Variants in CNTN3 observed in about 807,000 individuals in gnomAD.
CNTN3 encodes the protein contactin 3.
A neutral mutation model predicts 119.1 loss-of-function variants in CNTN3; 60 were observed. The observed-to-expected ratio is 0.50, with a 90% confidence interval of 0.41 to 0.62. The LOEUF (loss-of-function observed/expected upper bound fraction) is 0.62. Among genes scored for constraint, CNTN3 ranks in the 20% least tolerant of loss-of-function variants. CNTN3 has a pLI of 0.00. For synonymous variants in CNTN3, 450 were observed against 438.7 expected, an observed-to-expected ratio of 1.03 and a Z score of -0.32; for missense variants, 1,101 against 1,242.4, an observed-to-expected ratio of 0.89 and a Z score of 1.71.
At chr3:74,593,946 A>G (rs939782472) in intron 1 of CNTN3, among the ~76,000 whole-genome samples, 1 of 151,946 alleles carries the variant, frequency 6.6e-6, no homozygotes, top group African/African-American at 2.4e-5. Flanking sequence ...AATTCACTCT[A>G]TGGAGGTGGA....
chr3:74,292,683 C>G (rs1268995203), intron 19 of CNTN3, among the ~76,000 whole-genome samples: 1 of 152,198 alleles, frequency 6.6e-6, no homozygotes, highest in Non-Finnish European at 1.5e-5. Context: ...ATTATTGTCC[C>G]CATTCTACAG....
At chr3:74,381,440 T>C (rs1704622358) in intron 5 of CNTN3, among the ~76,000 whole-genome samples, 1 of 152,160 alleles carries the variant, frequency 6.6e-6, no homozygotes, top group Non-Finnish European at 1.5e-5. Flanking sequence ...CAGTCTGCCC[T>C]TCAAACCAGT....
At chr3:74,590,209 G>A (rs577377817) in intron 1 of CNTN3, among the ~76,000 whole-genome samples, 1 of 151,988 alleles carries the variant, frequency 6.6e-6, no homozygotes, top group Non-Finnish European at 1.5e-5. Flanking sequence ...AATAAAGAAA[G>A]TCAATACATT....
Position 74,477,858 on chromosome 3 carries a change from A to T in CNTN3, c.358+8598T>A, listed in dbSNP as rs145686883. ...CAACAATTAAAAATTTAAAAAAATTAAAAAAAAACACAGATCTCAAAGAAG... is the reference window on the plus strand; with the variant it reads ...CAACAATTAAAAATTTAAAAAAATTTAAAAAAAACACAGATCTCAAAGAAG... On this transcript the variant is annotated intron_variant, in intron 4 of 22. Coordinates refer to ENST00000263665, the MANE Select transcript of CNTN3 (RefSeq NM_020872.3). Among the ~76,000 whole-genome samples, 489 of 151,538 alleles carry T rather than the reference A, an allele frequency of 3.2e-3. 3 individuals are homozygous for T. The highest frequency in any genetic ancestry group is 9.4e-3 in the African/African-American group (389 of 41,328).
In CNTN3 at chr3:74,344,075, T is replaced by A. The variant is rs1322054556; in HGVS notation, c.1365-7417A>T. 2.0e-5 allele frequency among the ~76,000 whole-genome samples: 3 copies of A among 152,362 alleles called. No individual in the cohort carries two copies. The South Asian group carries it at 6.2e-4, about 32-fold the overall frequency. On this transcript the variant is annotated intron_variant, in intron 11 of 22. Transcript: ENST00000263665. ...AGTTAGGTTGTTTCTTAGCTAATAA[T>A]TGTTTGTAATATCCTTAATTCTCAG... is the stretch of plus-strand genomic sequence containing the variant.
chr3:74,613,255 G>A (rs1023162019), intron 1 of CNTN3, among the ~76,000 whole-genome samples: 2 of 148,844 alleles, frequency 1.3e-5, no homozygotes, highest in Non-Finnish European at 3.0e-5. Context: ...ACCACAGCAC[G>A]TACAGTCTTC....
intron 1 of CNTN3, among the ~76,000 whole-genome samples, chr3:74,571,282 C>T (rs916651521): frequency 1.3e-5 from 2 of 152,314 alleles, no homozygotes; most frequent in Admixed American, 1.3e-4. Context: ...CAGCAGCTCT[C>T]CACTTGAGTT....
intron 11 of CNTN3, among the ~76,000 whole-genome samples, chr3:74,346,504 A>G (rs1703691700): frequency 6.6e-6 from 1 of 152,208 alleles, no homozygotes; most frequent in African/African-American, 2.4e-5. Context: ...AAATACACAA[A>G]TAAGATCACA....
intron 1 of CNTN3, among the ~76,000 whole-genome samples, chr3:74,561,996 T>C (rs1159756666): frequency 6.6e-6 from 1 of 152,092 alleles, no homozygotes; most frequent in Non-Finnish European, 1.5e-5. Context: ...GTTCACAAGA[T>C]CTTTAGAAAA....
intron 3 of CNTN3, among the ~76,000 whole-genome samples, chr3:74,488,748 G>T (rs938414139): frequency 2.0e-5 from 3 of 152,070 alleles, no homozygotes; most frequent in Non-Finnish European, 2.9e-5. Context: ...TTAATAAGAA[G>T]ACCCAAATGA....
chr3:74,344,197 A>C (rs1208923833), intron 11 of CNTN3, among the ~76,000 whole-genome samples: 1 of 152,166 alleles, frequency 6.6e-6, no homozygotes, highest in Non-Finnish European at 1.5e-5. Context: ...CTCAACAAAT[A>C]TGAAGAGTTC....
rs1299127961 is a variant in CNTN3, at chr3:74,288,154, C to CTT, written c.2518-2665_2518-2664dup. Among the ~76,000 whole-genome samples, 66 of 88,252 alleles carry CTT rather than the reference C, an allele frequency of 7.5e-4. 1 individual carries two copies. The highest frequency in any genetic ancestry group is 5.8e-3 in the East Asian group (8 of 1,374). 57.9% of individuals were successfully genotyped at this position (88,252 alleles called of 152,430 possible). Reference sequence around the variant, plus strand: ...TTTGACATCTTTTTTCTTTTCTTTTCTTTTCTTTTTTTTTTTTTTTTTGAG... The same window carrying CTT: ...TTTGACATCTTTTTTCTTTTCTTTTCTTTTTTCTTTTTTTTTTTTTTTTTGAG... On this transcript the variant is annotated intron_variant, in intron 19 of 22. Coordinates refer to ENST00000263665, the MANE Select transcript of CNTN3 (RefSeq NM_020872.3).
At chr3:74,536,569 G>A (rs1464830003) in intron 1 of CNTN3, among the ~76,000 whole-genome samples, 5 of 151,918 alleles carry the variant, frequency 3.3e-5, no homozygotes, top group South Asian at 2.1e-4. Flanking sequence ...TTGTTTCTTC[G>A]GTACCTAGAA....
chr3:74,499,880 T>G, intron 2 of CNTN3, 95 bp from the exon 3 acceptor site: 1 of 1,234,598 alleles, frequency 8.1e-7, no homozygotes. Flanking sequence ...AACTAAAAAT[T>G]CTAGTACTGC....
chr3:74,332,232 C>A (rs1311570116), intron 13 of CNTN3, among the ~76,000 whole-genome samples: 1 of 152,170 alleles, frequency 6.6e-6, no homozygotes, highest in African/African-American at 2.4e-5. Flanking sequence ...AATACACAAT[C>A]AGAGGACAAG....
At chr3:74,329,527 G>A (rs1013737131) in intron 13 of CNTN3, among the ~76,000 whole-genome samples, 4 of 152,150 alleles carry the variant, frequency 2.6e-5, no homozygotes, top group Non-Finnish European at 5.9e-5. Flanking sequence ...GTTTCTCTCT[G>A]TAGGGAGCCT....
At chr3:74,581,488 GAAGA>G (rs1035608757) in intron 1 of CNTN3, among the ~76,000 whole-genome samples, 3 of 152,118 alleles carry the variant, frequency 2.0e-5, no homozygotes, top group Non-Finnish European at 4.4e-5. Context: ...CTAAATAAAT[GAAGA>G]GAGATGCTAT....
chr3:74,294,419 C>A (rs17012311), intron 19 of CNTN3, among the ~76,000 whole-genome samples: 38,605 of 151,980 alleles, frequency 0.25, 6,398 homozygotes, highest in South Asian at 0.57. Context: ...GAACCTTTGG[C>A]AGGTGGGCCT....
intron 3 of CNTN3, among the ~76,000 whole-genome samples, chr3:74,498,028 A>G (rs75513036): frequency 0.028 from 4,201 of 151,956 alleles, 185 homozygotes; most frequent in African/African-American, 0.096. Flanking sequence ...ACATTCCTAT[A>G]TGACTAAATC....
Sources: allele counts gnomAD v4.1 joint callset (sites outside exome capture counted in the v4.1 genomes callset), GRCh38; gene constraint gnomAD v4.1.1; transcripts MANE v1.5; gene names NCBI Gene and HGNC (gene_info 2026-07-23, HGNC 2026-07-21).